The following GPR39 variants were observed in gnomAD, a reference collection of about 807,000 sequenced individuals.
The protein encoded by GPR39 is G protein-coupled receptor 39.
Under a neutral mutation model 18.4 loss-of-function variants are expected in GPR39, and 23 were observed. The observed-to-expected ratio is 1.25, with a 90% CI of 0.90 to 1.77. The LOEUF (loss-of-function observed/expected upper bound fraction) is 1.77, where lower values mean the gene tolerates loss of function less well. Among genes scored for constraint, GPR39 ranks in the 40% most tolerant of loss-of-function variants. The probability of loss-of-function intolerance (pLI) is 0.00; values close to 1 mark genes in which losing one functional copy is unlikely to be tolerated. For missense variants in GPR39, 647 were observed against 602.4 expected (o/e 1.07, Z -0.78); for synonymous variants, 280 against 257.9 (o/e 1.09, Z -0.82).
At chr2:132,435,442 G>A (rs1371090653) in intron 1 of GPR39, among the ~76,000 whole-genome samples, 1 of 152,024 alleles carries the variant, frequency 6.6e-6, no homozygotes, top group Admixed American at 6.6e-5. Context: ...CTTACTTTAT[G>A]GTATGTATAC....
intron 1 of GPR39, among the ~76,000 whole-genome samples, chr2:132,600,365 C>A (rs1373244918): frequency 6.6e-6 from 1 of 151,620 alleles, no homozygotes; most frequent in East Asian, 1.9e-4. Flanking sequence ...ACAAAACAAA[C>A]CTAAATTAGT....
At chr2:132,587,966 A>G (rs999738463) in intron 1 of GPR39, among the ~76,000 whole-genome samples, 2 of 152,194 alleles carry the variant, frequency 1.3e-5, no homozygotes, top group Non-Finnish European at 2.9e-5. Context: ...AACCAGCTTT[A>G]AGGTTCATGA....
At chr2:132,494,080 G>A (rs942747228) in intron 1 of GPR39, among the ~76,000 whole-genome samples, 3 of 152,118 alleles carry the variant, frequency 2.0e-5, no homozygotes, top group Admixed American at 6.5e-5. Flanking sequence ...CAGCTAGGAC[G>A]TGAGGGAGTA....
At chr2:132,529,778 C>T (rs1334382763) in intron 1 of GPR39, among the ~76,000 whole-genome samples, 3 of 152,200 alleles carry the variant, frequency 2.0e-5, no homozygotes, top group African/African-American at 7.2e-5. Flanking sequence ...TCCAACAGAC[C>T]TGCAGCTGAG....
chr2:132,557,860 G>T (rs1680183738), intron 1 of GPR39, among the ~76,000 whole-genome samples: 1 of 152,154 alleles, frequency 6.6e-6, no homozygotes, highest in Non-Finnish European at 1.5e-5. Context: ...CCCCCATGCC[G>T]CCCGGGGGGG....
chr2:132,516,063 C>T (rs1248289526), intron 1 of GPR39, among the ~76,000 whole-genome samples: 1 of 152,136 alleles, frequency 6.6e-6, no homozygotes, highest in Non-Finnish European at 1.5e-5. Context: ...AAAGATCTTA[C>T]TTTTTCTCCT....
chr2:132,485,411 C>T (rs1182203951), intron 1 of GPR39, among the ~76,000 whole-genome samples: 1 of 152,158 alleles, frequency 6.6e-6, no homozygotes, highest in African/African-American at 2.4e-5. Context: ...TTTGCCACTT[C>T]GACTGACTCT....
At chr2:132,534,060 AC>A (rs1452969869) in intron 1 of GPR39, among the ~76,000 whole-genome samples, 2 of 152,122 alleles carry the variant, frequency 1.3e-5, no homozygotes, top group Non-Finnish European at 1.5e-5. Flanking sequence ...CAGACAACCT[AC>A]AGAATGGGAG....
Position 132,577,742 on chromosome 2 carries a change from C to T in GPR39, c.857-67359C>T, listed in dbSNP as rs188776193. Among the ~76,000 whole-genome samples the T allele has an allele frequency of 2.6e-5, 4 of 152,226 alleles. No individual in the cohort carries two copies. The East Asian group carries it at 5.8e-4, about 22-fold the overall frequency. ...TTGTGTTGACCTTGTATCCTGTAAC[C>T]TTATTGAACTCACTTATTCTAGATT... On this transcript the variant is annotated intron_variant, in intron 1 of 1. Transcript: ENST00000329321.
rs6721950 is a variant in GPR39 at position 132,426,423 on chromosome 2, G to T, written c.856+8525G>T. On this transcript the variant is annotated intron_variant, in intron 1 of 1. Coordinates refer to ENST00000329321, the MANE Select transcript of GPR39 (RefSeq NM_001508.3). The stretch of plus-strand genomic sequence containing the variant: ...ATCATCCTTTTGGTAGCTCTATTTC[G>T]TCATAGCCTGGCAATGACTAGGCGC... Among the ~76,000 whole-genome samples the T allele has an allele frequency of 3.9e-4, 59 of 152,102 alleles. 2 individuals carry two copies. The East Asian group carries it at 0.011, about 28-fold the overall frequency.
chr2:132,509,911 G>A (rs1339513456), intron 1 of GPR39, among the ~76,000 whole-genome samples: 3 of 152,206 alleles, frequency 2.0e-5, no homozygotes, highest in African/African-American at 7.2e-5. Flanking sequence ...TCAGAGAGGA[G>A]AGGACTGTGT....
intron 1 of GPR39, among the ~76,000 whole-genome samples, chr2:132,448,086 G>A (rs1264418015): frequency 6.6e-6 from 1 of 152,168 alleles, no homozygotes; most frequent in Non-Finnish European, 1.5e-5. Context: ...AAATAGCAAG[G>A]TAAGGATTTT....
At chr2:132,612,621 G>T (rs1681255906) in intron 1 of GPR39, among the ~76,000 whole-genome samples, 1 of 152,142 alleles carries the variant, frequency 6.6e-6, no homozygotes, top group African/African-American at 2.4e-5. Context: ...TGGTTCTAAA[G>T]TGTCACTGTG....
intron 1 of GPR39, among the ~76,000 whole-genome samples, chr2:132,499,505 T>C (rs547888131): frequency 1.3e-5 from 2 of 151,948 alleles, no homozygotes; most frequent in Non-Finnish European, 2.9e-5. Flanking sequence ...TGTGGTTTTT[T>C]TTGTTGTTGT....
chr2:132,619,165 C>G (rs932359755), intron 1 of GPR39, among the ~76,000 whole-genome samples: 2 of 152,138 alleles, frequency 1.3e-5, no homozygotes, highest in Admixed American at 1.3e-4. Flanking sequence ...CCAGCAGGTG[C>G]GAGATCATGG....
chr2:132,492,101 C>T (rs1681475467), intron 1 of GPR39, among the ~76,000 whole-genome samples: 1 of 149,002 alleles, frequency 6.7e-6, no homozygotes, highest in South Asian at 2.1e-4. Context: ...TATATATATA[C>T]ATACCATATA....
chr2:132,635,094 C>CTT (rs1272304804), intron 1 of GPR39, among the ~76,000 whole-genome samples: 1 of 152,170 alleles, frequency 6.6e-6, no homozygotes, highest in African/African-American at 2.4e-5. Context: ...CATTCCCACT[C>CTT]TTTCTTTTTC....
chr2:132,474,140 T>C (rs1681082800), intron 1 of GPR39, among the ~76,000 whole-genome samples: 1 of 152,162 alleles, frequency 6.6e-6, no homozygotes, highest in Admixed American at 6.5e-5. Flanking sequence ...AGACCCTCTA[T>C]TTAACAGTTA....
chr2:132,517,249 C>CT (rs1679351260), intron 1 of GPR39, among the ~76,000 whole-genome samples: 1 of 151,438 alleles, frequency 6.6e-6, no homozygotes, highest in Non-Finnish European at 1.5e-5. Flanking sequence ...TATAAACAAA[C>CT]TATGAAAGAG....
Sources: gnomAD v4.1 joint callset for allele counts (sites outside exome capture counted in the v4.1 genomes callset) on GRCh38, gnomAD v4.1.1 for gene constraint, MANE v1.5 for transcripts, NCBI Gene and HGNC (gene_info 2026-07-23, HGNC 2026-07-21) for gene names.